Variants in SYN2 observed in about 807,000 individuals in gnomAD.
SYN2 encodes the protein synapsin II, also known as synapsin-2.
SYN2 carries 19 observed loss-of-function variants against 50.9 expected under a neutral mutation model. The observed-to-expected ratio is 0.37, with a 90% CI of 0.26 to 0.55. The LOEUF is 0.55. Ranked by LOEUF, SYN2 falls within the 20% of genes least tolerant of loss-of-function variation. SYN2 has a pLI of 0.81. For missense variants in SYN2, 587 were observed against 576.4 expected (o/e 1.02, Z -0.19); for synonymous variants, 255 against 224.9 (o/e 1.13, Z -1.20).
chr3:12,179,291 ACT>A (rs1698167092), intron 10 of SYN2, among the ~76,000 whole-genome samples: 1 of 149,524 alleles, frequency 6.7e-6, no homozygotes, highest in African/African-American at 2.5e-5. Context: ...TGAGTTTAAG[ACT>A]CTGTAGCTGG....
chr3:12,053,463 TAG>T (rs1283691299), intron 1 of SYN2, among the ~76,000 whole-genome samples: 12 of 151,720 alleles, frequency 7.9e-5, no homozygotes, highest in African/African-American at 2.4e-4. Flanking sequence ...AAAATATATA[TAG>T]ATATGATTCT....
At chr3:12,059,075 C>A (rs1695058644) in intron 1 of SYN2, among the ~76,000 whole-genome samples, 1 of 152,134 alleles carries the variant, frequency 6.6e-6, no homozygotes, top group Admixed American at 6.5e-5. Context: ...GTCTACTTGC[C>A]TGGCACAGTA....
At chr3:12,033,165 T>TG (rs1414156591) in intron 1 of SYN2, among the ~76,000 whole-genome samples, 1 of 151,764 alleles carries the variant, frequency 6.6e-6, no homozygotes, top group Non-Finnish European at 1.5e-5. Context: ...GTGCCCCTGC[T>TG]GGGGGGTGCC....
At chr3:12,136,423 A>T (rs1696893671) in intron 1 of SYN2, among the ~76,000 whole-genome samples, 1 of 152,200 alleles carries the variant, frequency 6.6e-6, no homozygotes, top group African/African-American at 2.4e-5. Flanking sequence ...AGACTCAGAG[A>T]CGCATTATTT....
chr3:12,158,980 C>T (rs1352110087), intron 5 of SYN2: 11 of 1,298,384 alleles, frequency 8.5e-6, no homozygotes, highest in Admixed American at 3.2e-5. Context: ...CGACGGGCTC[C>T]GCCTTCCTTT....
intron 1 of SYN2, among the ~76,000 whole-genome samples, chr3:12,117,898 C>A (rs1297300587): frequency 6.6e-6 from 1 of 152,156 alleles, no homozygotes; most frequent in Non-Finnish European, 1.5e-5. Flanking sequence ...TCCACTTAGT[C>A]TTGAGTCTGA....
chr3:12,046,323 A>G lies in SYN2; in HGVS notation c.377+41395A>G, dbSNP rs958889989. Among the ~76,000 whole-genome samples, 6 of 152,214 alleles carry G rather than the reference A, an allele frequency of 3.9e-5. No individual in the cohort carries two copies. The East Asian group carries it at 9.6e-4, about 24-fold the overall frequency. ...GTTGGCTAGGTAAATAAGGAGAGCAACATCCTGGGAGAAAGAACATGAAGC... is the reference window on the plus strand; with the variant it reads ...GTTGGCTAGGTAAATAAGGAGAGCAGCATCCTGGGAGAAAGAACATGAAGC... On this transcript the variant is annotated intron_variant, in intron 1 of 12. Transcript: ENST00000621198.
intron 1 of SYN2, among the ~76,000 whole-genome samples, chr3:12,034,845 C>A (rs541106215): frequency 6.6e-6 from 1 of 152,288 alleles, no homozygotes; most frequent in African/African-American, 2.4e-5. Flanking sequence ...AGCACCAGCC[C>A]CCTTCTCACA....
At chr3:12,161,147 A>C (rs1373213485) in intron 5 of SYN2, among the ~76,000 whole-genome samples, 3 of 152,262 alleles carry the variant, frequency 2.0e-5, no homozygotes, top group African/African-American at 7.2e-5. Flanking sequence ...AAGATGCCAA[A>C]GATGTGTTTT....
chr3:12,033,222 G>T (rs1694418088), intron 1 of SYN2, among the ~76,000 whole-genome samples: 1 of 152,090 alleles, frequency 6.6e-6, no homozygotes, highest in African/African-American at 2.4e-5. Flanking sequence ...CCCACTTGAG[G>T]AGGCAGTCTG....
chr3:12,015,783 G>T (rs2125132861), intron 1 of SYN2, among the ~76,000 whole-genome samples: 1 of 152,224 alleles, frequency 6.6e-6, no homozygotes, highest in Admixed American at 6.5e-5. Flanking sequence ...GCATTAAACT[G>T]CCTTTGTTTC....
At chr3:12,057,283 C>CTGTG (rs1361358278) in intron 1 of SYN2, among the ~76,000 whole-genome samples, 3 of 21,410 alleles carry the variant, frequency 1.4e-4, no homozygotes, top group Non-Finnish European at 2.7e-4. Flanking sequence ...CAAGGCAAGA[C>CTGTG]TGTCTGTGTG....
chr3:12,008,401 A>G (rs1350730385), intron 1 of SYN2, among the ~76,000 whole-genome samples: 1 of 152,240 alleles, frequency 6.6e-6, no homozygotes, highest in Admixed American at 6.5e-5. Context: ...CCAGATAGGT[A>G]GATAAGATAA....
Position 12,101,041 on chromosome 3 carries a change from A to T in SYN2, c.378-39610A>T, listed in dbSNP as rs183971022. Among the ~76,000 whole-genome samples, 24 of 152,324 alleles carry T rather than the reference A, an allele frequency of 1.6e-4. No homozygotes were observed. The East Asian group carries it at 4.6e-3, about 29-fold the overall frequency. On this transcript the variant is annotated intron_variant, in intron 1 of 12. Coordinates refer to ENST00000621198, the MANE Select transcript of SYN2 (RefSeq NM_133625.6). ...CATACACCACTACTGGGAATGCAAAATGTTGAAGCCACTTTAGAAACCAGT... is the reference window on the plus strand; with the variant it reads ...CATACACCACTACTGGGAATGCAAATTGTTGAAGCCACTTTAGAAACCAGT...
intron 10 of SYN2, among the ~76,000 whole-genome samples, chr3:12,177,156 T>C (rs1574888840): frequency 6.6e-6 from 1 of 152,204 alleles, no homozygotes; most frequent in East Asian, 1.9e-4. Flanking sequence ...AGTCCTTTTT[T>C]GTACTGGTTC....
At chr3:12,048,604 T>TA (rs1275838327) in intron 1 of SYN2, among the ~76,000 whole-genome samples, 3 of 152,220 alleles carry the variant, frequency 2.0e-5, no homozygotes, top group African/African-American at 7.2e-5. Flanking sequence ...ATTGAACGCT[T>TA]ATTGTGTGCC....
intron 7 of SYN2, among the ~76,000 whole-genome samples, chr3:12,163,704 G>A (rs1009118906): frequency 2.6e-5 from 4 of 152,256 alleles, no homozygotes; most frequent in Non-Finnish European, 5.9e-5. Flanking sequence ...TTATTGTCTA[G>A]ATTTGTACTT....
intron 1 of SYN2, among the ~76,000 whole-genome samples, chr3:12,075,642 A>G (rs1438792861): frequency 2.0e-5 from 3 of 152,110 alleles, no homozygotes; most frequent in Admixed American, 6.6e-5. Context: ...ATTTTAAAAG[A>G]TATTCTATTC....
At chr3:12,182,687 T>C in intron 10 of SYN2, among the ~76,000 whole-genome samples, 1 of 152,192 alleles carries the variant, frequency 6.6e-6, no homozygotes, top group East Asian at 1.9e-4. Context: ...CCTTTGGGAG[T>C]TCCCAGCCGA....
Sources: allele counts gnomAD v4.1 joint callset (sites outside exome capture counted in the v4.1 genomes callset), GRCh38; gene constraint gnomAD v4.1.1; transcripts MANE v1.5; gene names NCBI Gene and HGNC (gene_info 2026-07-23, HGNC 2026-07-21).